LHFPL3: variants seen among roughly 807,000 people sequenced by gnomAD.
The protein encoded by LHFPL3 is LHFPL tetraspan subfamily member 3, also known as LHFPL tetraspan subfamily member 3 protein.
In LHFPL3, 5 loss-of-function variants were observed where a neutral mutation model predicts 19.3. The ratio of observed to expected loss-of-function variants is 0.26; its 90% CI spans 0.14 to 0.54. LHFPL3 has a LOEUF of 0.54. LHFPL3 is among the 20% of genes least tolerant of loss of function. The pLI is 0.94. For missense variants in LHFPL3, 249 were observed against 307.4 expected (o/e 0.81, Z 1.42); for synonymous variants, 133 against 126.2 (o/e 1.05, Z -0.36).
At chr7:104,535,205 A>T (rs1421251953) in intron 1 of LHFPL3, among the ~76,000 whole-genome samples, 1 of 152,204 alleles carries the variant, frequency 6.6e-6, no homozygotes, top group East Asian at 1.9e-4. Context: ...CCTAGGAGAA[A>T]ATGGAACACT....
intron 1 of LHFPL3, among the ~76,000 whole-genome samples, chr7:104,607,899 C>G (rs1791135160): frequency 6.6e-6 from 1 of 152,102 alleles, no homozygotes; most frequent in South Asian, 2.1e-4. Flanking sequence ...AAAAAAAATG[C>G]TCATCATCAC....
intron 2 of LHFPL3, among the ~76,000 whole-genome samples, chr7:104,881,225 A>G (rs1357551812): frequency 1.3e-5 from 2 of 151,974 alleles, no homozygotes; most frequent in Non-Finnish European, 2.9e-5. Flanking sequence ...TGCCATAGAT[A>G]GTGTTTCCCC....
At chr7:104,362,251 C>T (rs745779668) in intron 1 of LHFPL3, among the ~76,000 whole-genome samples, 3 of 152,124 alleles carry the variant, frequency 2.0e-5, no homozygotes, top group Non-Finnish European at 4.4e-5. Context: ...AGCTGGGTAA[C>T]CTGCAGGCCA....
intron 1 of LHFPL3, among the ~76,000 whole-genome samples, chr7:104,479,215 T>C (rs1793082363): frequency 6.6e-6 from 1 of 152,212 alleles, no homozygotes; most frequent in Non-Finnish European, 1.5e-5. Context: ...GTGCCCTTCA[T>C]AGTCAGTGCT....
intron 2 of LHFPL3, among the ~76,000 whole-genome samples, chr7:104,867,797 A>T (rs1209262123): frequency 6.6e-6 from 1 of 152,208 alleles, no homozygotes; most frequent in African/African-American, 2.4e-5. Flanking sequence ...TTAGACCAAT[A>T]TCCCTGATGA....
chr7:104,826,996 T>C (rs891352364), intron 2 of LHFPL3, among the ~76,000 whole-genome samples: 5 of 151,996 alleles, frequency 3.3e-5, no homozygotes, highest in Admixed American at 2.6e-4. Context: ...TGTACTACCT[T>C]AAAGTTAGGC....
At chr7:104,493,261 C>G (rs1793392744) in intron 1 of LHFPL3, among the ~76,000 whole-genome samples, 1 of 152,034 alleles carries the variant, frequency 6.6e-6, no homozygotes, top group South Asian at 2.1e-4. Flanking sequence ...TTTCCTAGTT[C>G]TTCTACTTCT....
intron 1 of LHFPL3, among the ~76,000 whole-genome samples, chr7:104,374,535 CA>C (rs1313442666): frequency 6.6e-6 from 1 of 152,060 alleles, no homozygotes; most frequent in Non-Finnish European, 1.5e-5. Context: ...CCACTGCACC[CA>C]GCCTCTATAT....
chr7:104,496,338 A>G (rs1793480786), intron 1 of LHFPL3, among the ~76,000 whole-genome samples: 1 of 152,300 alleles, frequency 6.6e-6, no homozygotes, highest in African/African-American at 2.4e-5. Flanking sequence ...CATGGTGTAT[A>G]TGTGCCACAT....
intron 1 of LHFPL3, among the ~76,000 whole-genome samples, chr7:104,551,400 G>A (rs1794660989): frequency 6.6e-6 from 1 of 151,990 alleles, no homozygotes; most frequent in Non-Finnish European, 1.5e-5. Context: ...TTGCAGGCAG[G>A]ATCTGTATGC....
intron 1 of LHFPL3, among the ~76,000 whole-genome samples, chr7:104,576,552 T>C (rs932295953): frequency 6.6e-6 from 1 of 152,224 alleles, no homozygotes; most frequent in Non-Finnish European, 1.5e-5. Context: ...AAAGAGTAGA[T>C]TCACCTACCT....
intron 1 of LHFPL3, among the ~76,000 whole-genome samples, chr7:104,506,880 C>G (rs1793708721): frequency 6.6e-6 from 1 of 152,128 alleles, no homozygotes; most frequent in African/African-American, 2.4e-5. Context: ...AATAGAAGTA[C>G]AAATCCAGGA....
intron 1 of LHFPL3, among the ~76,000 whole-genome samples, chr7:104,577,913 A>T (rs1790371402): frequency 6.6e-6 from 1 of 152,132 alleles, no homozygotes; most frequent in Admixed American, 6.5e-5. Flanking sequence ...TTCCCCCTCA[A>T]CTATGGGAAA....
chr7:104,819,005 T>C (rs916372099), intron 2 of LHFPL3, among the ~76,000 whole-genome samples: 9 of 152,158 alleles, frequency 5.9e-5, no homozygotes, highest in Non-Finnish European at 1.0e-4. Flanking sequence ...TATAGAACTT[T>C]ATGAGAATAT....
intron 2 of LHFPL3, among the ~76,000 whole-genome samples, chr7:104,758,369 TTAAAA>T (rs1364172647): frequency 8.5e-5 from 13 of 152,050 alleles, no homozygotes; most frequent in African/African-American, 1.7e-4. Flanking sequence ...GTTGCAATTA[TTAAAA>T]TAAAATAAAA....
intron 2 of LHFPL3, among the ~76,000 whole-genome samples, chr7:104,859,609 C>T (rs543900214): frequency 1.2e-4 from 18 of 151,598 alleles, no homozygotes; most frequent in Admixed American, 1.1e-3. Context: ...GCGGAGGTTT[C>T]GGTGAGCTGA....
intron 1 of LHFPL3, among the ~76,000 whole-genome samples, chr7:104,640,981 T>G (rs964512409): frequency 6.6e-6 from 1 of 152,222 alleles, no homozygotes; most frequent in South Asian, 2.1e-4. Flanking sequence ...TATTTATCCC[T>G]CACATGCTGC....
chr7:104,428,662 A>C (rs1791894003), intron 1 of LHFPL3, among the ~76,000 whole-genome samples: 1 of 152,194 alleles, frequency 6.6e-6, no homozygotes, highest in Non-Finnish European at 1.5e-5. Flanking sequence ...AAACTATTAG[A>C]ACTAATCACT....
intron 1 of LHFPL3, among the ~76,000 whole-genome samples, chr7:104,616,977 C>T (rs990891627): frequency 5.3e-5 from 8 of 152,068 alleles, no homozygotes; most frequent in African/African-American, 7.2e-5. Flanking sequence ...GTTAGAATGG[C>T]GATCATTAAA....
Sources: gnomAD v4.1 joint callset for allele counts (sites outside exome capture counted in the v4.1 genomes callset) on GRCh38, gnomAD v4.1.1 for gene constraint, MANE v1.5 for transcripts, NCBI Gene and HGNC (gene_info 2026-07-23, HGNC 2026-07-21) for gene names.